Variants in EPS15 observed in about 807,000 individuals in gnomAD.
EPS15 encodes epidermal growth factor receptor substrate 15.
Under a neutral mutation model 113.8 loss-of-function variants are expected in EPS15, and 72 were observed. The ratio of observed to expected loss-of-function variants is 0.63; its 90% confidence interval spans 0.52 to 0.77. The LOEUF (loss-of-function observed/expected upper bound fraction) is 0.77, where lower values mean the gene tolerates loss of function less well. Ranked by LOEUF, EPS15 falls within the 30% of genes least tolerant of loss-of-function variation. The pLI, the probability that EPS15 is intolerant of heterozygous loss-of-function variation, is 0.00. For missense variants in EPS15, 1,048 were observed against 1,045.8 expected (o/e 1.00, Z -0.03); for synonymous variants, 344 against 363.4 (o/e 0.95, Z 0.61).
intron 24 of EPS15, among the ~76,000 whole-genome samples, chr1:51,359,687 G>C (rs1280717248): frequency 6.6e-6 from 1 of 151,820 alleles, no homozygotes; most frequent in African/African-American, 2.4e-5. Flanking sequence ...GAACCTGGGA[G>C]GTGAAGGTTG....
intron 12 of EPS15, among the ~76,000 whole-genome samples, chr1:51,427,673 T>C (rs746867573): frequency 2.0e-5 from 3 of 152,188 alleles, no homozygotes; most frequent in Non-Finnish European, 2.9e-5. Flanking sequence ...ATTTACAATA[T>C]AAATTACTCC....
chr1:51,477,025 A>C (rs1643921365), intron 2 of EPS15, among the ~76,000 whole-genome samples: 2 of 152,196 alleles, frequency 1.3e-5, no homozygotes, highest in South Asian at 4.1e-4. Flanking sequence ...TTTCAGAAAG[A>C]ATGGTACCAG....
At chr1:51,426,022 CTCTCTACTTT>C in intron 12 of EPS15, among the ~76,000 whole-genome samples, 1 of 152,244 alleles carries the variant, frequency 6.6e-6, no homozygotes, top group Middle Eastern at 3.4e-3. Flanking sequence ...AACCTATCTA[CTCTCTACTTT>C]TAGAAATTCA....
chr1:51,444,638 C>T (rs563166300), intron 11 of EPS15, among the ~76,000 whole-genome samples: 189 of 152,302 alleles, frequency 1.2e-3, no homozygotes, highest in Non-Finnish European at 2.2e-3. Context: ...AATAAGCCCA[C>T]ATTTTCCAAT....
At chr1:51,357,998 C>G (rs1288984952) in intron 24 of EPS15, among the ~76,000 whole-genome samples, 1 of 152,082 alleles carries the variant, frequency 6.6e-6, no homozygotes, top group African/African-American at 2.4e-5. Context: ...CTCGGCCTCC[C>G]AAGAACCTAA....
intron 8 of EPS15, among the ~76,000 whole-genome samples, chr1:51,454,185 A>T (rs1200766836): frequency 6.6e-6 from 1 of 152,284 alleles, no homozygotes; most frequent in African/African-American, 2.4e-5. Flanking sequence ...TCCTCTATAC[A>T]TCTCTAAGTG....
chr1:51,389,551 A>T (rs1276902913), intron 21 of EPS15, among the ~76,000 whole-genome samples: 2 of 152,248 alleles, frequency 1.3e-5, no homozygotes, highest in African/African-American at 4.8e-5. Context: ...AGATGACATG[A>T]TTATATATCT....
chr1:51,433,039 T>C (rs1260520647), intron 12 of EPS15, among the ~76,000 whole-genome samples: 1 of 152,194 alleles, frequency 6.6e-6, no homozygotes, highest in Non-Finnish European at 1.5e-5. Flanking sequence ...ATATTTGAAC[T>C]GAACTAAAAC....
chr1:51,505,325 C>T (rs981533896), intron 1 of EPS15, among the ~76,000 whole-genome samples: 1 of 152,066 alleles, frequency 6.6e-6, no homozygotes, highest in African/African-American at 2.4e-5. Context: ...GTGGTATAAC[C>T]ATACGATGGA....
chr1:51,510,276 C>T (rs72674566), intron 1 of EPS15, among the ~76,000 whole-genome samples: 4,575 of 152,222 alleles, frequency 0.03, 74 homozygotes, highest in African/African-American at 0.05. Flanking sequence ...AATGTTCATT[C>T]TTATCCCAAA....
At chr1:51,373,853 A>G (rs1646721729) in intron 21 of EPS15, among the ~76,000 whole-genome samples, 1 of 152,144 alleles carries the variant, frequency 6.6e-6, no homozygotes, top group South Asian at 2.1e-4. Flanking sequence ...TGGGAGGCTG[A>G]GGCAGGAGAA....
At chr1:51,516,035 T>C (rs1237656405) in intron 1 of EPS15, among the ~76,000 whole-genome samples, 1 of 152,168 alleles carries the variant, frequency 6.6e-6, no homozygotes, top group Non-Finnish European at 1.5e-5. Context: ...ATGCTTTTTT[T>C]CTAATCTACC....
At chr1:51,450,599 G>T (rs1011843623) in intron 8 of EPS15, among the ~76,000 whole-genome samples, 4 of 151,766 alleles carry the variant, frequency 2.6e-5, no homozygotes, top group Admixed American at 2.6e-4. Context: ...ACTTAAAAGG[G>T]TATAGGAAAA....
Position 51,471,730 on chromosome 1 carries a change from T to C in EPS15, c.173A>G (p.Asp58Gly). ...ACCTTTGCCATCTGTGTCGGCTAAA[T>C]CCCAAATCTGAAATTTAGGGGGAAA... ...LPDLILGKIWDLADTDGKGIL... is the reference protein window; with the variant it reads ...LPDLILGKIWGLADTDGKGIL... Residue 58 changes from aspartate to glycine, a missense_variant, in exon 4 of 25, where the codon GAT becomes GGT. By Grantham distance (94) the Asp-to-Gly change is moderately conservative. Transcript: ENST00000371733. The C allele has an allele frequency of 6.2e-7, 1 of 1,608,910 alleles. No individual in the cohort carries two copies. Among genetic ancestry groups the C allele is most frequent in the South Asian group, 1.1e-5 (1 of 90,566 alleles).
At position 51,361,218 on chromosome 1, in the gene EPS15, T is replaced by C. The variant is rs1239314829; in HGVS notation, c.2497A>G (p.Thr833Ala). ...FCDPFTSATT[T>A]TNKEADPSNF... is the part of the protein sequence containing the mutation. The stretch of plus-strand genomic sequence containing the variant: ...CTTGGATCAGCCTCTTTATTGGTAG[T>C]GGTAGTAGCAGAAGTGAATGGATCA... Residue 833 changes from threonine to alanine, a missense_variant, in exon 24 of 25, where the codon ACT (threonine) becomes GCT (alanine). Coordinates refer to ENST00000371733, the MANE Select transcript of EPS15 (RefSeq NM_001981.3). The C allele has an allele frequency of 6.2e-7, 1 of 1,614,062 alleles. No homozygotes were observed. Among genetic ancestry groups the C allele is most frequent in the South Asian group, 1.1e-5 (1 of 91,080 alleles).
intron 21 of EPS15, among the ~76,000 whole-genome samples, chr1:51,386,290 T>C (rs535236809): frequency 5.3e-5 from 8 of 152,302 alleles, no homozygotes; most frequent in East Asian, 3.9e-4. Context: ...AAGTAATTTA[T>C]ATAATAAGAT....
At position 51,463,773 on chromosome 1, in the gene EPS15, G is replaced by A. The variant is rs541193932; in HGVS notation, c.401C>T (p.Ala134Val). Residue 134 changes from alanine to valine, a missense_variant, in exon 7 of 25, where the codon GCA (alanine) becomes GTA (valine). Transcript: ENST00000371733. The part of the protein sequence containing the change: ...VKPEDKAKYD[A>V]IFDSLSPVNG... ...CACTGGGCTTAAACTATCAAATATT[G>A]CATCATATTTGGCCTTATCTTCAGG... is the stretch of plus-strand genomic sequence containing the variant. The A allele has an allele frequency of 6.3e-7, 1 of 1,597,012 alleles. No homozygotes were observed. Among genetic ancestry groups the A allele is most frequent in the African/African-American group, 1.3e-5 (1 of 74,660 alleles).
intron 21 of EPS15, among the ~76,000 whole-genome samples, chr1:51,378,203 A>AT (rs59739270): frequency 0.14 from 19,905 of 147,020 alleles, 2,083 homozygotes; most frequent in African/African-American, 0.3. Flanking sequence ...GATCATTAGC[A>AT]TTTTTTTTTT....
chr1:51,400,860 A>G, intron 19 of EPS15, 58 bp downstream of exon 19: 5 of 1,170,180 alleles, frequency 4.3e-6, no homozygotes, highest in Non-Finnish European at 6.1e-6. Flanking sequence ...AAATAACATA[A>G]GCTTATTATT....
Sources: gnomAD v4.1 joint callset for allele counts (sites outside exome capture counted in the v4.1 genomes callset) on GRCh38, gnomAD v4.1.1 for gene constraint, MANE v1.5 for transcripts, NCBI Gene and HGNC (gene_info 2026-07-23, HGNC 2026-07-21) for gene names.